The following ANKFN1 variants were observed in gnomAD, a reference collection of about 807,000 sequenced individuals.
ANKFN1 encodes ankyrin repeat and fibronectin type-III domain-containing protein 1.
A neutral mutation model predicts 108.7 loss-of-function variants in ANKFN1; 74 were observed. The ratio of observed to expected loss-of-function variants is 0.68; its 90% CI spans 0.56 to 0.83. ANKFN1 has a LOEUF of 0.83. ANKFN1 is among the 40% of genes least tolerant of loss of function. The pLI is 0.00. For synonymous variants in ANKFN1, 547 were observed against 516.2 expected, an observed-to-expected ratio of 1.06 and a Z score of -0.81; for missense variants, 1,505 against 1,382.3, an observed-to-expected ratio of 1.09 and a Z score of -1.41.
chr17:56,336,176 C>CT (rs888235367), intron 4 of ANKFN1, among the ~76,000 whole-genome samples: 3 of 152,016 alleles, frequency 2.0e-5, no homozygotes, highest in Non-Finnish European at 2.9e-5. Flanking sequence ...CTAAAATTCT[C>CT]TTTTTTTGTT....
At chr17:56,423,261 G>T (rs570241750) in intron 8 of ANKFN1, among the ~76,000 whole-genome samples, 2 of 152,154 alleles carry the variant, frequency 1.3e-5, no homozygotes, top group South Asian at 4.1e-4. Context: ...ACACAGACAC[G>T]TTGGGTCAAC....
chr17:56,247,738 A>C (rs1339664209), intron 3 of ANKFN1, among the ~76,000 whole-genome samples: 2 of 152,196 alleles, frequency 1.3e-5, no homozygotes, highest in African/African-American at 2.4e-5. Flanking sequence ...GCTTTCTTCC[A>C]CACTGACTTG....
Position 56,095,253 on chromosome 17 carries a change from G to A in ANKFN1, c.288+48928G>A, listed in dbSNP as rs187880791. ...CTGTGATTGACTAACATCAGGATAA[G>A]TTCAGAGGAAACTCACCCAGCTGCT... On this transcript the variant is annotated intron_variant, in intron 4 of 12. Transcript: ENST00000635860. 2.7e-5 allele frequency among the ~76,000 whole-genome samples: 4 copies of A among 150,428 alleles called. 1 individual carries two copies. Among genetic ancestry groups the A allele is most frequent in the African/African-American group, 9.8e-5 (4 of 40,882 alleles).
chr17:56,197,298 A>G (rs1228127622), intron 1 of ANKFN1, among the ~76,000 whole-genome samples: 1 of 152,196 alleles, frequency 6.6e-6, no homozygotes, highest in Non-Finnish European at 1.5e-5. Flanking sequence ...ACTTAGTTAT[A>G]TCATGTTTCC....
chr17:56,143,478 A>T (rs913830914), intron 4 of ANKFN1, among the ~76,000 whole-genome samples: 1 of 152,126 alleles, frequency 6.6e-6, no homozygotes, highest in Admixed American at 6.5e-5. Context: ...GCAATGGACC[A>T]TTCTCTTCTC....
intron 9 of ANKFN1, among the ~76,000 whole-genome samples, chr17:56,442,195 T>C (rs1002222158): frequency 3.3e-5 from 5 of 152,202 alleles, no homozygotes; most frequent in African/African-American, 1.2e-4. Context: ...TTTTTTTAAA[T>C]GTGTATGCAG....
chr17:56,289,560 C>A (rs140080127), intron 3 of ANKFN1, among the ~76,000 whole-genome samples: 7 of 152,206 alleles, frequency 4.6e-5, no homozygotes, highest in Non-Finnish European at 8.8e-5. Context: ...GGTTCAGAAT[C>A]AAACTTGCCC....
chr17:56,425,231 C>A (rs1280638070), intron 8 of ANKFN1, among the ~76,000 whole-genome samples: 2 of 151,856 alleles, frequency 1.3e-5, no homozygotes, highest in Non-Finnish European at 2.9e-5. Flanking sequence ...ATTTGGCTCA[C>A]AGATGCCTCA....
chr17:56,074,428 G>T (rs754946613), intron 4 of ANKFN1, among the ~76,000 whole-genome samples: 9 of 152,166 alleles, frequency 5.9e-5, no homozygotes, highest in Non-Finnish European at 1.0e-4. Context: ...GCAGCACCAG[G>T]CCCCCTCATG....
chr17:56,495,568 C>T (rs555848045), intron 19 of ANKFN1, among the ~76,000 whole-genome samples: 73 of 152,180 alleles, frequency 4.8e-4, no homozygotes, highest in Non-Finnish European at 9.1e-4. Context: ...CCAAGGAGTG[C>T]GGCCAGAAAG....
intron 4 of ANKFN1, among the ~76,000 whole-genome samples, chr17:56,093,514 C>G (rs564715835): frequency 6.0e-5 from 9 of 151,044 alleles, no homozygotes; most frequent in African/African-American, 7.3e-5. Flanking sequence ...AAAACGGCAC[C>G]CAGGAATAAA....
At chr17:56,109,608 A>G (rs1316550985) in intron 4 of ANKFN1, among the ~76,000 whole-genome samples, 1 of 152,242 alleles carries the variant, frequency 6.6e-6, no homozygotes, top group Non-Finnish European at 1.5e-5. Context: ...AAGGTTGAAC[A>G]GAACACCGGC....
At chr17:56,153,700 A>G (rs1170138211) in intron 1 of ANKFN1, 170 bp downstream of exon 1, 1 of 869,040 alleles carries the variant, frequency 1.2e-6, no homozygotes, top group East Asian at 2.6e-5. Flanking sequence ...AAACAGGCAA[A>G]TGTTGATCTG....
chr17:56,324,726 G>A (rs140669510), intron 3 of ANKFN1, among the ~76,000 whole-genome samples: 460 of 152,310 alleles, frequency 3.0e-3, no homozygotes, highest in African/African-American at 0.011. Flanking sequence ...ATTATTCATA[G>A]CAACACTTCC....
At chr17:56,449,649 A>G (rs147186613) in intron 11 of ANKFN1, among the ~76,000 whole-genome samples, 6 of 152,272 alleles carry the variant, frequency 3.9e-5, no homozygotes, top group Non-Finnish European at 8.8e-5. Flanking sequence ...CACACCCAGT[A>G]TCTCATTTTC....
Position 56,491,051 on chromosome 17 carries a change from C to T in ANKFN1, c.2261-1136C>T, listed in dbSNP as rs187940537. 5.9e-5 allele frequency among the ~76,000 whole-genome samples: 9 copies of T among 152,234 alleles called. No homozygotes were observed. In the East Asian group the frequency reaches 1.7e-3, roughly 29 times the overall value. The stretch of plus-strand genomic sequence containing the variant: ...CATTGAGGTGTAGAGATGACCAATG[C>T]CCCATTTTGAGGTAGTGTGGTTTTA... On this transcript the variant is annotated intron_variant, in intron 18 of 20. Coordinates refer to ENST00000682825, the MANE Select transcript of ANKFN1 (RefSeq NM_001370326.1).
At chr17:56,494,798 G>A (rs764901291) in intron 19 of ANKFN1, among the ~76,000 whole-genome samples, 3 of 152,044 alleles carry the variant, frequency 2.0e-5, no homozygotes, top group Non-Finnish European at 4.4e-5. Flanking sequence ...CATGCCTTAG[G>A]TTCTGTTTCT....
intron 8 of ANKFN1, among the ~76,000 whole-genome samples, chr17:56,425,314 T>G (rs1367861862): frequency 6.6e-6 from 1 of 152,160 alleles, no homozygotes; most frequent in East Asian, 1.9e-4. Context: ...AAGGTGGAGA[T>G]AATGTCCACA....
At chr17:56,394,761 G>T (rs1020535351) in intron 8 of ANKFN1, among the ~76,000 whole-genome samples, 2 of 152,300 alleles carry the variant, frequency 1.3e-5, no homozygotes, top group African/African-American at 4.8e-5. Flanking sequence ...CACGCAGCTG[G>T]CACTGGAGAT....
Sources: allele counts gnomAD v4.1 joint callset (sites outside exome capture counted in the v4.1 genomes callset), GRCh38; gene constraint gnomAD v4.1.1; transcripts MANE v1.5; gene names NCBI Gene and HGNC (gene_info 2026-07-23, HGNC 2026-07-21).